Variants in FAM162B observed in about 807,000 individuals in gnomAD.
FAM162B encodes the protein protein FAM162B.
FAM162B carries 16 observed loss-of-function variants against 20.0 expected under a neutral mutation model. That is an observed-to-expected ratio of 0.80 (90% CI 0.54 to 1.21). The LOEUF (loss-of-function observed/expected upper bound fraction) is 1.21. Among genes scored for constraint, FAM162B ranks in the 50% most tolerant of loss-of-function variants. The pLI is 0.00. For synonymous variants in FAM162B, 83 were observed against 89.7 expected (o/e 0.93, Z 0.42); for missense variants, 260 against 227.5 (o/e 1.14, Z -0.92).
chr6:116,758,654 T>C (rs918065054), intron 3 of FAM162B, among the ~76,000 whole-genome samples: 4 of 152,198 alleles, frequency 2.6e-5, no homozygotes, highest in Non-Finnish European at 4.4e-5. Flanking sequence ...CTAACCACTA[T>C]AAAGAATTCC....
intron 3 of FAM162B, among the ~76,000 whole-genome samples, chr6:116,760,791 AC>A (rs1315198859): frequency 6.6e-6 from 1 of 152,230 alleles, no homozygotes; most frequent in East Asian, 1.9e-4. Context: ...GAATGAAAGG[AC>A]ATTTATATAA....
In FAM162B at chr6:116,765,167, C is replaced by A; in HGVS notation, c.261G>T (p.Glu87Asp). ...CTTACGGGATCCGAGGCGGGATCTC[C>A]TCCATCGATTTGAAACGCCCTGTCC... is the stretch of plus-strand genomic sequence containing the variant. ...LLWTGRFKSM[E>D]EIPPRIPPEM... The change falls in exon 2 of 4, where the codon GAG becomes GAT. Residue 87 changes from glutamate to aspartate, a missense_variant. Transcript: ENST00000368557. 6.2e-7 allele frequency: 1 copy of A among 1,613,744 alleles called. No individual in the cohort carries two copies. The highest frequency in any genetic ancestry group is 8.5e-7 in the Non-Finnish European group (1 of 1,179,964).
At chr6:116,759,425 C>T (rs1221895700) in intron 3 of FAM162B, among the ~76,000 whole-genome samples, 1 of 151,458 alleles carries the variant, frequency 6.6e-6, no homozygotes, top group African/African-American at 2.4e-5. Context: ...CGTAGCCTCC[C>T]GAGTAGCTGG....
chr6:116,765,539 C>G lies in FAM162B; in HGVS notation c.38G>C (p.Arg13Pro), dbSNP rs1247812988. 1.4e-6 allele frequency: 2 copies of G among 1,387,474 alleles called. No homozygotes were observed. Among genetic ancestry groups the G allele is most frequent in the Non-Finnish European group, 1.9e-6 (2 of 1,079,050 alleles). The allele number at this position is 1,387,474 out of a possible 1,614,324, so 85.9% of individuals were successfully genotyped here. A position where few individuals can be genotyped will look rare whatever the true frequency, so the allele number is the denominator to read the frequency against. The change falls in exon 1 of 4, where the codon CGC becomes CCC. Residue 13 changes from arginine to proline, a missense_variant. Coordinates refer to ENST00000368557, the MANE Select transcript of FAM162B (RefSeq NM_001085480.3). ...RAVGSLLRLG[R>P]GLTVRCGPGA... ...GGGGCCGCAGCGGACTGTTAGCCCG[C>G]GGCCAAGGCGCAGTAGGCTCCCGAC... is the stretch of plus-strand genomic sequence containing the variant.
intron 2 of FAM162B, among the ~76,000 whole-genome samples, chr6:116,764,666 T>C (rs956889836): frequency 3.8e-4 from 57 of 151,898 alleles, no homozygotes; most frequent in South Asian, 6.2e-4. Flanking sequence ...GGAGGCCGCA[T>C]GGATGCGTCT....
In FAM162B at chr6:116,765,590, C is replaced by G; in HGVS notation, c.-14G>C. The G allele has an allele frequency of 7.6e-7, 1 of 1,317,050 alleles. No homozygotes were observed. Among genetic ancestry groups the G allele is most frequent in the Middle Eastern group, 2.8e-4 (1 of 3,530 alleles). 81.6% of individuals were successfully genotyped at this position (1,317,050 alleles called of 1,614,324 possible). Reference sequence around the variant, plus strand: ...CGCCCTGAGCATGCTGCCCGCTTGTCCCGCGCCGCACCCGCACCTCCGGAC... The same window carrying G: ...CGCCCTGAGCATGCTGCCCGCTTGTGCCGCGCCGCACCCGCACCTCCGGAC... On this transcript the variant is annotated 5_prime_UTR_variant, in exon 1 of 4. Transcript: ENST00000368557.
At chr6:116,763,795 C>A (rs1391103127) in intron 2 of FAM162B, among the ~76,000 whole-genome samples, 5 of 114,080 alleles carry the variant, frequency 4.4e-5, no homozygotes, top group African/African-American at 1.7e-4. Context: ...TTTTTTTTTA[C>A]TTCTTTGGCA....
At chr6:116,764,421 G>A (rs1271238825) in intron 2 of FAM162B, among the ~76,000 whole-genome samples, 1 of 152,164 alleles carries the variant, frequency 6.6e-6, no homozygotes, top group Admixed American at 6.5e-5. Flanking sequence ...GGCAGAAACA[G>A]AAACTTTGGA....
Position 116,765,550 on chromosome 6 carries a change from C to A in FAM162B, c.27G>T (p.Leu9=). The part of the protein sequence containing the change: MLRAVGSL[L]RLGRGLTVRC... ...GGACTGTTAGCCCGCGGCCAAGGCGCAGTAGGCTCCCGACCGCCCTGAGCA... is the reference window on the plus strand; with the variant it reads ...GGACTGTTAGCCCGCGGCCAAGGCGAAGTAGGCTCCCGACCGCCCTGAGCA... Residue 9 remains leucine, a synonymous_variant, in exon 1 of 4, where the codon CTG becomes CTT. Coordinates refer to ENST00000368557, the MANE Select transcript of FAM162B (RefSeq NM_001085480.3). The A allele has an allele frequency of 7.2e-7, 1 of 1,384,248 alleles. No homozygotes were observed. The highest frequency in any genetic ancestry group is 1.7e-5 in the South Asian group (1 of 57,198). The allele number at this position is 1,384,248 out of a possible 1,614,324, so 85.7% of individuals were successfully genotyped here.
In FAM162B at chr6:116,765,654, G is replaced by T. The variant is rs1771902705; in HGVS notation, c.-78C>A. On this transcript the variant is annotated 5_prime_UTR_variant, in exon 1 of 4. Transcript: ENST00000368557. ...TTGTCCCCGCAGCTCTCCTCGTCCC[G>T]CCCCGGCCTGCCGCGCGCTGGAGAG... The T allele has an allele frequency of 1.6e-6, 2 of 1,240,382 alleles. No homozygotes were observed. Among genetic ancestry groups the T allele is most frequent in the Admixed American group, 4.2e-5 (1 of 23,774 alleles). 76.8% of individuals were successfully genotyped at this position (1,240,382 alleles called of 1,614,324 possible).
Position 116,752,473 on chromosome 6 carries a change from T to C in FAM162B, c.*124A>G, listed in dbSNP as rs904644740. 5.0e-6 allele frequency: 2 copies of C among 403,818 alleles called. No homozygotes were observed. Among genetic ancestry groups the C allele is most frequent in the African/African-American group, 2.1e-5 (1 of 47,588 alleles). 25.0% of individuals were successfully genotyped at this position (403,818 alleles called of 1,614,324 possible). On this transcript the variant is annotated 3_prime_UTR_variant, in exon 4 of 4. Coordinates refer to ENST00000368557, the MANE Select transcript of FAM162B (RefSeq NM_001085480.3). ...CTAAAAAATAAAAATAAAAAAGACA[T>C]TGTGCTTCTTGTTACCAAAATAAAA... is the stretch of plus-strand genomic sequence containing the variant.
intron 3 of FAM162B, 45 bp downstream of exon 3, chr6:116,761,932 G>C: frequency 7.0e-7 from 1 of 1,418,934 alleles, no homozygotes; most frequent in South Asian, 1.3e-5. Context: ...TTAAAAAGAG[G>C]TACTTACCCT....
rs10556522 is a variant in FAM162B at position 116,752,711 on chromosome 6, AAT to A, written c.391-18_391-17del. On this transcript the variant is annotated splice_polypyrimidine_tract_variant and intron_variant, in intron 3 of 3. Coordinates refer to ENST00000368557, the MANE Select transcript of FAM162B (RefSeq NM_001085480.3). The stretch of plus-strand genomic sequence containing the variant: ...GTTCTACAGCCTGTGGGGGGGAAGA[AAT>A]ATATATATATATATATATATAGATA... 12,600 of 469,348 alleles carry A rather than the reference AAT, an allele frequency of 0.027. 7 individuals are homozygous for A. The highest frequency in any genetic ancestry group is 0.043 in the Middle Eastern group (63 of 1,482). 29.1% of individuals were successfully genotyped at this position (469,348 alleles called of 1,614,324 possible). A position where few individuals can be genotyped will look rare whatever the true frequency, so the allele number is the denominator to read the frequency against.
intron 3 of FAM162B, among the ~76,000 whole-genome samples, chr6:116,756,608 A>C (rs1018306934): frequency 6.6e-6 from 1 of 152,216 alleles, no homozygotes; most frequent in African/African-American, 2.4e-5. Context: ...AATGCTGTCA[A>C]ACAGCATTGC....
chr6:116,764,691 C>A lies in FAM162B; in HGVS notation c.281+456G>T, dbSNP rs529170892. 3.1e-3 allele frequency among the ~76,000 whole-genome samples: 467 copies of A among 152,188 alleles called. 4 individuals carry two copies. Among genetic ancestry groups the A allele is most frequent in the Non-Finnish European group, 5.2e-3 (357 of 68,002 alleles). On this transcript the variant is annotated intron_variant, in intron 2 of 3. Transcript: ENST00000368557. ...TGGATGCGTCTTTTTTCCAGAGACCCCCCCGCCACAGCCGCCCCGCAAGCC... is the reference window on the plus strand; with the variant it reads ...TGGATGCGTCTTTTTTCCAGAGACCACCCCGCCACAGCCGCCCCGCAAGCC...
chr6:116,763,947 A>G (rs1452701623), intron 2 of FAM162B, among the ~76,000 whole-genome samples: 10 of 152,270 alleles, frequency 6.6e-5, no homozygotes. Context: ...ATAATCTTAG[A>G]AAGTGCCTCT....
At position 116,752,529 on chromosome 6, in the gene FAM162B, T is replaced by G. The variant is rs1410577663; in HGVS notation, c.*68A>C. 2.2e-5 allele frequency: 16 copies of G among 740,438 alleles called. No individual in the cohort carries two copies. In the Admixed American group the frequency reaches 4.1e-4, roughly 19 times the overall value. The allele number at this position is 740,438 out of a possible 1,614,324, so 45.9% of individuals were successfully genotyped here. A position where few individuals can be genotyped will look rare whatever the true frequency, so the allele number is the denominator to read the frequency against. ...GCAGATATTTTGGTAAATATTCTAT[T>G]TTTCCCATCTTCTACTGTTGCTGAT... On this transcript the variant is annotated 3_prime_UTR_variant, in exon 4 of 4. Coordinates refer to ENST00000368557, the MANE Select transcript of FAM162B (RefSeq NM_001085480.3).
At chr6:116,763,368 T>C (rs1771845329) in intron 2 of FAM162B, among the ~76,000 whole-genome samples, 1 of 152,194 alleles carries the variant, frequency 6.6e-6, no homozygotes, top group Non-Finnish European at 1.5e-5. Context: ...TCATTATATG[T>C]CCATTAAAAG....
At position 116,765,470 on chromosome 6, in the gene FAM162B, G is replaced by A; in HGVS notation, c.107C>T (p.Pro36Leu). The part of the protein sequence containing the change: ...EATRRPAPAL[P>L]PRGLPCYSSG... The stretch of plus-strand genomic sequence containing the variant: ...GGAGTAGCAGGGGAGACCCCGGGGC[G>A]GAAGAGCCGGTGCGGGCCGTCGCGT... The change falls in exon 1 of 4, where the codon CCG becomes CTG. Residue 36 changes from proline (P) to leucine (L), a missense_variant. Transcript: ENST00000368557. The A allele has an allele frequency of 7.0e-7, 1 of 1,421,402 alleles. No homozygotes were observed. Among genetic ancestry groups the A allele is most frequent in the Non-Finnish European group, 9.2e-7 (1 of 1,090,608 alleles). The allele number at this position is 1,421,402 out of a possible 1,614,324, so 88.0% of individuals were successfully genotyped here.
Sources: allele counts gnomAD v4.1 joint callset (sites outside exome capture counted in the v4.1 genomes callset), GRCh38; gene constraint gnomAD v4.1.1; transcripts MANE v1.5; gene names NCBI Gene and HGNC (gene_info 2026-07-23, HGNC 2026-07-21).